KCNJ12: variants seen among roughly 807,000 people sequenced by gnomAD.
KCNJ12 encodes the protein potassium inwardly rectifying channel subfamily J member 12.
KCNJ12 carries 2 observed loss-of-function variants against 22.3 expected under a neutral mutation model. That is an observed-to-expected ratio of 0.09 (90% confidence interval 0.04 to 0.28). The LOEUF is 0.28. Ranked by LOEUF, KCNJ12 falls within the 10% of genes least tolerant of loss-of-function variation. The pLI, the probability that KCNJ12 is intolerant of heterozygous loss-of-function variation, is 1.00. For missense variants in KCNJ12, 155 were observed against 633.3 expected (o/e 0.24, Z 8.11); for synonymous variants, 117 against 261.4 (o/e 0.45, Z 5.33).
intron 1 of KCNJ12, among the ~76,000 whole-genome samples, chr17:21,403,854 G>T (rs1366138973): frequency 1.3e-5 from 2 of 152,310 alleles, no homozygotes; most frequent in African/African-American, 2.4e-5. Flanking sequence ...AGGTTATGTG[G>T]CTTGCCCAAG....
At chr17:21,387,152 T>C (rs1369374262) in intron 1 of KCNJ12, among the ~76,000 whole-genome samples, 1 of 145,574 alleles carries the variant, frequency 6.9e-6, no homozygotes, top group Non-Finnish European at 1.5e-5. Context: ...CGAGACTCCG[T>C]CTCAAAAACA....
At chr17:21,377,867 C>T (rs553808276) in intron 1 of KCNJ12, among the ~76,000 whole-genome samples, 2 of 152,298 alleles carry the variant, frequency 1.3e-5, no homozygotes, top group African/African-American at 2.4e-5. Flanking sequence ...TGGGACCTCC[C>T]CCTCCCCATT....
intron 1 of KCNJ12, among the ~76,000 whole-genome samples, chr17:21,402,502 T>C (rs1442526609): frequency 6.6e-6 from 1 of 152,312 alleles, no homozygotes; most frequent in Admixed American, 6.5e-5. Flanking sequence ...CTCACAGATC[T>C]GAACTGTAAA....
At chr17:21,402,161 C>G (rs1419788366) in intron 1 of KCNJ12, among the ~76,000 whole-genome samples, 1 of 152,304 alleles carries the variant, frequency 6.6e-6, no homozygotes, top group African/African-American at 2.4e-5. Flanking sequence ...ACTTCAGCCC[C>G]GCTGCCCTCC....
intron 1 of KCNJ12, among the ~76,000 whole-genome samples, chr17:21,392,044 T>A (rs1209427186): frequency 2.6e-5 from 4 of 152,190 alleles, no homozygotes; most frequent in Non-Finnish European, 5.9e-5. Flanking sequence ...ACCGGCTGAC[T>A]TATGCTGAGT....
chr17:21,415,313 G>C lies in KCNJ12; in HGVS notation c.-30G>C. ...AGCCGCCCTGCCTGGAGCTAGCCTG[G>C]GGGCGAGCCAGGGTCCCCCAACCCC... On this transcript the variant is annotated 5_prime_UTR_variant, in exon 3 of 3. Coordinates refer to ENST00000583088, the MANE Select transcript of KCNJ12 (RefSeq NM_021012.5). 6.3e-7 allele frequency: 1 copy of C among 1,595,340 alleles called. No homozygotes were observed. The highest frequency in any genetic ancestry group is 8.5e-7 in the Non-Finnish European group (1 of 1,176,952).
rs1231097545 is a variant in KCNJ12, at chr17:21,418,360, G to A, written c.*1716G>A. The A allele has an allele frequency of 1.8e-5, 3 of 166,540 alleles. No homozygotes were observed. The highest frequency in any genetic ancestry group is 7.3e-5 in the African/African-American group (3 of 41,076). The allele number at this position is 166,540 out of a possible 1,614,324, so 10.3% of individuals were successfully genotyped here. ...GGCACCCCGAGACAGCTCAGAGCCA[G>A]AAGGCACCGAGGACTCTGGCCCAAG... is the stretch of plus-strand genomic sequence containing the variant. On this transcript the variant is annotated 3_prime_UTR_variant, in exon 3 of 3. Coordinates refer to ENST00000583088, the MANE Select transcript of KCNJ12 (RefSeq NM_021012.5).
At chr17:21,382,660 T>C (rs782159979) in intron 1 of KCNJ12, among the ~76,000 whole-genome samples, 11 of 152,228 alleles carry the variant, frequency 7.2e-5, no homozygotes, top group Admixed American at 6.5e-4. Context: ...CTCCCCTGGA[T>C]GTCCATGTTG....
At chr17:21,393,391 T>A (rs1555559546) in intron 1 of KCNJ12, among the ~76,000 whole-genome samples, 1 of 152,018 alleles carries the variant, frequency 6.6e-6, no homozygotes, top group Non-Finnish European at 1.5e-5. Context: ...ACCCTGGGGC[T>A]GACCTGCACA....
At chr17:21,384,766 G>C (rs1457448812) in intron 1 of KCNJ12, among the ~76,000 whole-genome samples, 1 of 125,618 alleles carries the variant, frequency 8.0e-6, no homozygotes, top group East Asian at 2.2e-4. Context: ...GTTGTTGTTT[G>C]TTTGTTTTTT....
chr17:21,376,655 G>A lies in KCNJ12; in HGVS notation c.-437G>A, dbSNP rs1904662916. 1 of 151,702 alleles carries A rather than the reference G, an allele frequency of 6.6e-6. No individual in the cohort carries two copies. Among genetic ancestry groups the A allele is most frequent in the South Asian group, 2.1e-4 (1 of 4,828 alleles). The allele number at this position is 151,702 out of a possible 1,614,324, so 9.4% of individuals were successfully genotyped here. A position where few individuals can be genotyped will look rare whatever the true frequency, so the allele number is the denominator to read the frequency against. On this transcript the variant is annotated 5_prime_UTR_variant, in exon 1 of 3. Coordinates refer to ENST00000583088, the MANE Select transcript of KCNJ12 (RefSeq NM_021012.5). The surrounding 1 kb of genome is among the most constrained non-coding windows in gnomAD (Gnocchi z 5.3). ...GTGCTCACAGCCGGACCGAGGGACCGACGCCAGCCGCCCCGGCCCAAGCGA... is the reference window on the plus strand; with the variant it reads ...GTGCTCACAGCCGGACCGAGGGACCAACGCCAGCCGCCCCGGCCCAAGCGA...
intron 1 of KCNJ12, 147 bp downstream of exon 1, chr17:21,377,060 C>G (rs1233695483): frequency 7.2e-5 from 11 of 152,362 alleles, no homozygotes; most frequent in Non-Finnish European, 1.3e-4. Context: ...TTCTTCCTCT[C>G]GTTTTATTTT....
At chr17:21,379,247 C>T (rs1001062036) in intron 1 of KCNJ12, among the ~76,000 whole-genome samples, 3 of 152,238 alleles carry the variant, frequency 2.0e-5, no homozygotes, top group African/African-American at 7.2e-5. Flanking sequence ...CCCTGGGCCA[C>T]AGTTGGCAGT....
intron 1 of KCNJ12, among the ~76,000 whole-genome samples, chr17:21,398,359 A>T (rs1475704650): frequency 1.3e-5 from 2 of 152,134 alleles, no homozygotes; most frequent in African/African-American, 2.4e-5. Flanking sequence ...TCCTCTGGCC[A>T]CTGGAGCCTT....
intron 1 of KCNJ12, among the ~76,000 whole-genome samples, chr17:21,384,454 G>A (rs1438167225): frequency 6.6e-6 from 1 of 152,082 alleles, no homozygotes; most frequent in Non-Finnish European, 1.5e-5. Flanking sequence ...ACATCCCTCT[G>A]GGAGTTGGGA....
intron 2 of KCNJ12, among the ~76,000 whole-genome samples, chr17:21,412,458 G>A (rs1489913217): frequency 6.6e-6 from 1 of 152,304 alleles, no homozygotes; most frequent in Non-Finnish European, 1.5e-5. Flanking sequence ...TCGGAGCAGG[G>A]GCTGGAGCAG....
intron 1 of KCNJ12, among the ~76,000 whole-genome samples, chr17:21,395,568 CAAAAAAAA>C (rs10652801): frequency 2.1e-5 from 1 of 48,140 alleles, no homozygotes; most frequent in Non-Finnish European, 3.3e-5. Flanking sequence ...GACTTCTTCT[CAAAAAAAA>C]AAAAAAAAAA....
Position 21,416,886 on chromosome 17 carries a change from G to T in KCNJ12, c.*242G>T. 1.7e-6 allele frequency: 1 copy of T among 591,852 alleles called. No homozygotes were observed. Among genetic ancestry groups the T allele is most frequent in the Non-Finnish European group, 3.0e-6 (1 of 338,520 alleles). 36.7% of individuals were successfully genotyped at this position (591,852 alleles called of 1,614,324 possible). On this transcript the variant is annotated 3_prime_UTR_variant, in exon 3 of 3. Transcript: ENST00000583088. ...TCAGGGCAAAGAAGTGGCCTCCTGGGGGGCCAGGCCACGAGGGCCAGGGCT... is the reference window on the plus strand; with the variant it reads ...TCAGGGCAAAGAAGTGGCCTCCTGGTGGGCCAGGCCACGAGGGCCAGGGCT...
chr17:21,379,936 G>A (rs1555557734), intron 1 of KCNJ12, among the ~76,000 whole-genome samples: 1 of 152,136 alleles, frequency 6.6e-6, no homozygotes. Flanking sequence ...TGCAGAGGGT[G>A]GCATTAGCTC....
Sources: gnomAD v4.1 joint callset for allele counts (sites outside exome capture counted in the v4.1 genomes callset) on GRCh38, gnomAD v4.1.1 for gene constraint, Gnocchi (gnomAD v3.1) non-coding constraint, MANE v1.5 for transcripts, NCBI Gene and HGNC (gene_info 2026-07-23, HGNC 2026-07-21) for gene names.